Variants in CCSAP observed in about 807,000 individuals in gnomAD.
CCSAP encodes centriole, cilia and spindle associated protein, also known as centriole, cilia and spindle-associated protein.
In CCSAP, 17 loss-of-function variants were observed where a neutral mutation model predicts 25.9. That is an observed-to-expected ratio of 0.66 (90% CI 0.45 to 0.99). CCSAP has a LOEUF of 0.99. Ranked by LOEUF, CCSAP falls within the 50% of genes least tolerant of loss-of-function variation. The probability of loss-of-function intolerance (pLI) is 0.00; values close to 1 mark genes in which losing one functional copy is unlikely to be tolerated. For missense variants in CCSAP, 339 were observed against 367.8 expected, an observed-to-expected ratio of 0.92 and a Z score of 0.64; for synonymous variants, 169 against 157.1, an observed-to-expected ratio of 1.08 and a Z score of -0.57.
rs918271600 is a variant in CCSAP, at chr1:229,322,287, G to A, written c.*2948C>T. The A allele has an allele frequency of 9.9e-5, 15 of 152,032 alleles. No individual in the cohort carries two copies. The highest frequency in any genetic ancestry group is 3.3e-4 in the Admixed American group (5 of 15,264). The allele number at this position is 152,032 out of a possible 1,614,324, so 9.4% of individuals were successfully genotyped here. A position where few individuals can be genotyped will look rare whatever the true frequency, so the allele number is the denominator to read the frequency against. On this transcript the variant is annotated 3_prime_UTR_variant, in exon 4 of 4. Transcript: ENST00000284617. ...AATAACAGCCATCTTGCTTGCTCTC[G>A]TTCTTACAATTTAGTCAGCTGAGTT...
chr1:229,327,578 TGAG>T (rs1484297986), intron 2 of CCSAP: 7 of 455,854 alleles, frequency 1.5e-5, no homozygotes, highest in Non-Finnish European at 3.1e-5. Context: ...GAGTTAAAAA[TGAG>T]GGCCCCGGCC....
chr1:229,342,573 G>A lies in CCSAP; in HGVS notation c.-48-60C>T. 2.6e-6 allele frequency: 2 copies of A among 755,292 alleles called. No homozygotes were observed. The highest frequency in any genetic ancestry group is 1.8e-5 in the African/African-American group (1 of 55,036). The allele number at this position is 755,292 out of a possible 1,614,324, so 46.8% of individuals were successfully genotyped here. A position where few individuals can be genotyped will look rare whatever the true frequency, so the allele number is the denominator to read the frequency against. On this transcript the variant is annotated intron_variant, in intron 1 of 3. Transcript: ENST00000284617. This position sits in a 1 kb window ranked among gnomAD's most constrained non-coding sequence, Gnocchi z 7.5. ...CGCCCCTCCGCCGGCCCTGCCCGCC[G>A]CGACGTTTAAACCCGGAGCCCCGCC... is the stretch of plus-strand genomic sequence containing the variant.
At position 229,342,446 on chromosome 1, in the gene CCSAP, A is replaced by T; in HGVS notation, c.20T>A (p.Val7Glu). 7.2e-7 allele frequency: 1 copy of T among 1,380,034 alleles called. No homozygotes were observed. Among genetic ancestry groups the T allele is most frequent in the South Asian group, 1.9e-5 (1 of 53,734 alleles). The allele number at this position is 1,380,034 out of a possible 1,614,324, so 85.5% of individuals were successfully genotyped here. Residue 7 changes from valine to glutamate, a missense_variant, in exon 2 of 4, where the codon GTG (valine) becomes GAG (glutamate). Physicochemically the swap from Val to Glu is moderately radical, Grantham distance 121. Transcript: ENST00000284617. The surrounding 1 kb of genome is among the most constrained non-coding windows in gnomAD (Gnocchi z 7.5). Reference sequence around the variant, plus strand: ...GTAGCGCTTCATGTACTCGCTCTTCACCCCGCTCCCCGGGGACATGGTGCC... The same window carrying T: ...GTAGCGCTTCATGTACTCGCTCTTCTCCCCGCTCCCCGGGGACATGGTGCC... The part of the protein sequence containing the change: MSPGSG[V>E]KSEYMKRYQE...
rs949627062 is a variant in CCSAP, at chr1:229,322,456, C to T, written c.*2779G>A. The T allele has an allele frequency of 2.0e-5, 3 of 152,270 alleles. No homozygotes were observed. Among genetic ancestry groups the T allele is most frequent in the East Asian group, 3.9e-4 (2 of 5,186 alleles). The allele number at this position is 152,270 out of a possible 1,614,324, so 9.4% of individuals were successfully genotyped here. On this transcript the variant is annotated 3_prime_UTR_variant, in exon 4 of 4. Coordinates refer to ENST00000284617, the MANE Select transcript of CCSAP (RefSeq NM_145257.5). Reference sequence around the variant, plus strand: ...GTAAGATCACCTATAGCCTATTATACATTTATTCATTTTTAAAATGAATCT... The same window carrying T: ...GTAAGATCACCTATAGCCTATTATATATTTATTCATTTTTAAAATGAATCT...
chr1:229,337,698 T>TACACAC (rs58144091), intron 2 of CCSAP, among the ~76,000 whole-genome samples: 1 of 60,720 alleles, frequency 1.6e-5, no homozygotes, highest in Non-Finnish European at 3.5e-5. Context: ...TATATATATA[T>TACACAC]ACACATACAT....
intron 2 of CCSAP, among the ~76,000 whole-genome samples, chr1:229,337,678 A>T (rs188679834): frequency 0.013 from 869 of 65,538 alleles, 59 homozygotes; most frequent in Non-Finnish European, 0.019. Context: ...CTCAAAAAAA[A>T]ATATATATAT....
At chr1:229,326,563 CT>C (rs370304857) in intron 3 of CCSAP, among the ~76,000 whole-genome samples, 174 bp downstream of exon 3, 109 of 152,348 alleles carry the variant, frequency 7.2e-4, no homozygotes, top group Non-Finnish European at 1.2e-3. Flanking sequence ...CAGAATCCTC[CT>C]TTGGTTCATC....
At chr1:229,337,719 G>GTA (rs71962932) in intron 2 of CCSAP, among the ~76,000 whole-genome samples, 30,001 of 87,930 alleles carry the variant, frequency 0.34, 5,147 homozygotes, top group Non-Finnish European at 0.4. Context: ...ATATATATAT[G>GTA]TATATATATA....
intron 2 of CCSAP, among the ~76,000 whole-genome samples, chr1:229,331,652 TA>T (rs1465867029): frequency 1.3e-5 from 2 of 151,824 alleles, no homozygotes; most frequent in African/African-American, 4.8e-5. Flanking sequence ...GGCAGGACTC[TA>T]ATCTTCCACA....
At chr1:229,329,606 A>T (rs949500200) in intron 2 of CCSAP, among the ~76,000 whole-genome samples, 3 of 152,178 alleles carry the variant, frequency 2.0e-5, no homozygotes, top group Non-Finnish European at 4.4e-5. Context: ...CACGTGGAAG[A>T]TGGGTGAGAT....
Position 229,342,113 on chromosome 1 carries a change from T to C in CCSAP, c.353A>G (p.Asp118Gly). ...GGGCCGGGTACCTGGCAGAGCCGCGTCCTCCGCGTCCTCGGCCTCCGCGTC... is the reference window on the plus strand; with the variant it reads ...GGGCCGGGTACCTGGCAGAGCCGCGCCCTCCGCGTCCTCGGCCTCCGCGTC... ...AGDAEAEDAE[D>G]AALPALPVKD... The change falls in exon 2 of 4, where the codon GAC (aspartate) becomes GGC (glycine). Residue 118 changes from aspartate to glycine, a missense_variant. Transcript: ENST00000284617. The surrounding 1 kb of genome is among the most constrained non-coding windows in gnomAD (Gnocchi z 7.5). 1.5e-6 allele frequency: 2 copies of C among 1,346,710 alleles called. No individual in the cohort carries two copies. The highest frequency in any genetic ancestry group is 1.9e-6 in the Non-Finnish European group (2 of 1,051,564). 83.4% of individuals were successfully genotyped at this position (1,346,710 alleles called of 1,614,324 possible). A position where few individuals can be genotyped will look rare whatever the true frequency, so the allele number is the denominator to read the frequency against.
chr1:229,327,131 C>T lies in CCSAP; in HGVS notation c.368-125G>A, dbSNP rs535629479. On this transcript the variant is annotated intron_variant, in intron 2 of 3. Coordinates refer to ENST00000284617, the MANE Select transcript of CCSAP (RefSeq NM_145257.5). Reference sequence around the variant, plus strand: ...ATTTTCACTTATGGCTCAACTCATACGATCCACTTAAAGTAGAAATACAGG... The same window carrying T: ...ATTTTCACTTATGGCTCAACTCATATGATCCACTTAAAGTAGAAATACAGG... 3.1e-4 allele frequency: 230 copies of T among 748,576 alleles called. 4 individuals carry two copies. The East Asian group carries it at 5.7e-3, about 19-fold the overall frequency. 46.4% of individuals were successfully genotyped at this position (748,576 alleles called of 1,614,324 possible). A position where few individuals can be genotyped will look rare whatever the true frequency, so the allele number is the denominator to read the frequency against.
chr1:229,338,381 T>TG (rs1336315265), intron 2 of CCSAP, among the ~76,000 whole-genome samples: 2 of 152,212 alleles, frequency 1.3e-5, no homozygotes, highest in Admixed American at 6.6e-5. Flanking sequence ...TTTAAATTAC[T>TG]GCACATGTAA....
chr1:229,337,698 T>TAGATATATAC (rs1473619585), intron 2 of CCSAP, among the ~76,000 whole-genome samples: 1 of 60,720 alleles, frequency 1.6e-5, no homozygotes. Context: ...TATATATATA[T>TAGATATATAC]ACACATACAT....
chr1:229,335,023 A>T (rs1658164899), intron 2 of CCSAP, among the ~76,000 whole-genome samples: 1 of 152,158 alleles, frequency 6.6e-6, no homozygotes, highest in African/African-American at 2.4e-5. Flanking sequence ...CCCTAGAAAG[A>T]ATCACATGAG....
rs184794144 is a variant in CCSAP, at chr1:229,325,109, T to C, written c.*126A>G. 740 of 955,706 alleles carry C rather than the reference T, an allele frequency of 7.7e-4. 2 individuals are homozygous for C. In the African/African-American group the frequency reaches 0.011, roughly 14 times the overall value. 59.2% of individuals were successfully genotyped at this position (955,706 alleles called of 1,614,324 possible). A position where few individuals can be genotyped will look rare whatever the true frequency, so the allele number is the denominator to read the frequency against. Reference sequence around the variant, plus strand: ...ATAAAACAATCTTTTACAAATTCCCTAAAAAAAACCTTGCATAATCAGTTG... The same window carrying C: ...ATAAAACAATCTTTTACAAATTCCCCAAAAAAAACCTTGCATAATCAGTTG... On this transcript the variant is annotated 3_prime_UTR_variant, in exon 4 of 4. Coordinates refer to ENST00000284617, the MANE Select transcript of CCSAP (RefSeq NM_145257.5).
Position 229,323,869 on chromosome 1 carries a change from C to G in CCSAP, c.*1366G>C, listed in dbSNP as rs1657880434. ...GGTAATACTCAGCCTCACGTCCACT[C>G]ACACATCTTCGGGTGCCAAGCTGGC... On this transcript the variant is annotated 3_prime_UTR_variant, in exon 4 of 4. Coordinates refer to ENST00000284617, the MANE Select transcript of CCSAP (RefSeq NM_145257.5). The G allele has an allele frequency of 6.6e-6, 1 of 152,234 alleles. No individual in the cohort carries two copies. Among genetic ancestry groups the G allele is most frequent in the Non-Finnish European group, 1.5e-5 (1 of 68,048 alleles). The allele number at this position is 152,234 out of a possible 1,614,324, so 9.4% of individuals were successfully genotyped here. A position where few individuals can be genotyped will look rare whatever the true frequency, so the allele number is the denominator to read the frequency against.
intron 2 of CCSAP, among the ~76,000 whole-genome samples, chr1:229,332,029 G>C (rs1037142428): frequency 4.0e-5 from 6 of 151,772 alleles, no homozygotes; most frequent in Non-Finnish European, 8.8e-5. Flanking sequence ...TTTTAGTAGA[G>C]ACGGGGTTTC....
intron 2 of CCSAP, chr1:229,340,597 T>TA: frequency 1.8e-6 from 1 of 560,246 alleles, no homozygotes; most frequent in Non-Finnish European, 3.2e-6. Flanking sequence ...GCATGTTCCC[T>TA]ACCCCCTCCA....
Sources: gnomAD v4.1 joint callset for allele counts (sites outside exome capture counted in the v4.1 genomes callset) on GRCh38, gnomAD v4.1.1 for gene constraint, Gnocchi (gnomAD v3.1) non-coding constraint, MANE v1.5 for transcripts, NCBI Gene and HGNC (gene_info 2026-07-23, HGNC 2026-07-21) for gene names.